ERC2: variants seen among roughly 807,000 people sequenced by gnomAD.
The protein encoded by ERC2 is ERC protein 2.
ERC2 carries 42 observed loss-of-function variants against 114.8 expected under a neutral mutation model. That is an observed-to-expected ratio of 0.37 (90% confidence interval 0.29 to 0.47). ERC2 has a LOEUF of 0.47. Ranked by LOEUF, ERC2 falls within the 20% of genes least tolerant of loss-of-function variation. ERC2 has a pLI of 0.99. For synonymous variants in ERC2, 454 were observed against 425.5 expected (o/e 1.07, Z -0.82); for missense variants, 939 against 1,150.7 (o/e 0.82, Z 2.66).
At chr3:55,698,505 C>G (rs2063052564) in intron 16 of ERC2, among the ~76,000 whole-genome samples, 5 of 152,130 alleles carry the variant, frequency 3.3e-5, no homozygotes, top group Admixed American at 3.3e-4. Context: ...ACAGGTAATT[C>G]TGACAACCCC....
At chr3:55,517,446 C>CAAAAA (rs11309251) in intron 17 of ERC2, among the ~76,000 whole-genome samples, 165 of 90,090 alleles carry the variant, frequency 1.8e-3, no homozygotes, top group Non-Finnish European at 2.2e-3. Flanking sequence ...GACTCCGTCT[C>CAAAAA]AAAAAAAAAA....
intron 2 of ERC2, among the ~76,000 whole-genome samples, chr3:56,416,238 T>C (rs1347163384): frequency 6.6e-6 from 1 of 152,136 alleles, no homozygotes; most frequent in Non-Finnish European, 1.5e-5. Flanking sequence ...TAATGTCTCT[T>C]TATCTGGACC....
chr3:56,344,132 A>T (rs1253762826), intron 2 of ERC2, among the ~76,000 whole-genome samples: 1 of 152,258 alleles, frequency 6.6e-6, no homozygotes, highest in East Asian at 1.9e-4. Context: ...CATTTGTAAA[A>T]TAAATAGGAT....
chr3:56,139,822 C>T (rs2080745522), intron 5 of ERC2, 146 bp from the exon 6 acceptor site: 2 of 862,192 alleles, frequency 2.3e-6, no homozygotes, highest in African/African-American at 1.7e-5. Flanking sequence ...AAAAGATGGC[C>T]TTGGGAATCA....
Position 55,734,786 on chromosome 3 carries a change from A to T in ERC2, c.2697T>A (p.His899Gln). 1 of 1,611,402 alleles carries T rather than the reference A, an allele frequency of 6.2e-7. No individual in the cohort carries two copies. ...GAGGCCCCACCTGCTGCTTTAATTG[A>T]TGTACTAGTCGGTCTTTTTCCCGCT... is the stretch of plus-strand genomic sequence containing the variant. ...ALKREKDRLV[H>Q]QLKQQTQNRM... The change falls in exon 15 of 18, where the codon CAT (histidine) becomes CAA (glutamine). Residue 899 changes from histidine (H) to glutamine (Q), a missense_variant. Physicochemically the swap from His to Gln is conservative, Grantham distance 24. Coordinates refer to ENST00000288221, the MANE Select transcript of ERC2 (RefSeq NM_015576.3).
intron 14 of ERC2, among the ~76,000 whole-genome samples, chr3:55,754,631 G>A (rs994968094): frequency 1.4e-5 from 2 of 146,936 alleles, no homozygotes; most frequent in Non-Finnish European, 3.0e-5. Context: ...AATCTCACAA[G>A]AGTAATAGAA....
intron 3 of ERC2, among the ~76,000 whole-genome samples, chr3:56,278,013 T>C (rs2054115475): frequency 6.6e-6 from 1 of 152,186 alleles, no homozygotes; most frequent in Non-Finnish European, 1.5e-5. Flanking sequence ...ACTCCATTGC[T>C]TCATTTGTAA....
At chr3:56,029,497 A>T (rs189255399) in intron 7 of ERC2, among the ~76,000 whole-genome samples, 132 of 152,150 alleles carry the variant, frequency 8.7e-4, no homozygotes, top group African/African-American at 3.1e-3. Context: ...TACACCTTCA[A>T]TGTATTTCAT....
chr3:56,258,304 C>CTA (rs781098805), intron 3 of ERC2, among the ~76,000 whole-genome samples: 4 of 152,194 alleles, frequency 2.6e-5, no homozygotes, highest in Non-Finnish European at 1.5e-5. Flanking sequence ...AGCTCTCTTG[C>CTA]TATAGCCTGA....
At chr3:56,191,809 T>C (rs567868752) in intron 3 of ERC2, among the ~76,000 whole-genome samples, 1 of 152,190 alleles carries the variant, frequency 6.6e-6, no homozygotes, top group African/African-American at 2.4e-5. Context: ...TTCTATTACA[T>C]TCCCTTCAGT....
chr3:55,943,790 G>A (rs2066959198), intron 13 of ERC2, among the ~76,000 whole-genome samples: 1 of 152,110 alleles, frequency 6.6e-6, no homozygotes, highest in Non-Finnish European at 1.5e-5. Context: ...ATACAAAAAT[G>A]GGGTCTCCAG....
At chr3:56,248,450 G>T (rs2051876563) in intron 3 of ERC2, among the ~76,000 whole-genome samples, 1 of 152,072 alleles carries the variant, frequency 6.6e-6, no homozygotes, top group African/African-American at 2.4e-5. Context: ...GTATTGATAT[G>T]CTGCACGGTC....
chr3:55,684,794 G>T (rs575414372), intron 16 of ERC2, among the ~76,000 whole-genome samples: 2 of 152,144 alleles, frequency 1.3e-5, no homozygotes, highest in Non-Finnish European at 2.9e-5. Context: ...ACAGTTTACT[G>T]CAAGGATTGA....
At chr3:56,458,583 G>A (rs570876524) in intron 1 of ERC2, among the ~76,000 whole-genome samples, 156 of 152,204 alleles carry the variant, frequency 1.0e-3, no homozygotes, top group African/African-American at 3.5e-3. Flanking sequence ...CAGCCACTAA[G>A]ACCCAGGTGC....
At chr3:55,573,168 T>C (rs569616298) in intron 17 of ERC2, among the ~76,000 whole-genome samples, 2 of 152,352 alleles carry the variant, frequency 1.3e-5, no homozygotes, top group East Asian at 1.9e-4. Flanking sequence ...CACAGAAAGA[T>C]GTCGGTAAGA....
chr3:56,194,881 G>A (rs575128113), intron 3 of ERC2, among the ~76,000 whole-genome samples: 1 of 151,898 alleles, frequency 6.6e-6, no homozygotes, highest in East Asian at 1.9e-4. Flanking sequence ...GTGTGGCACA[G>A]ACATGTTTCT....
chr3:55,972,342 G>A (rs1385588771), intron 12 of ERC2, among the ~76,000 whole-genome samples: 1 of 152,144 alleles, frequency 6.6e-6, no homozygotes, highest in Non-Finnish European at 1.5e-5. Flanking sequence ...CATGTGCCAT[G>A]GTGGTTTGCT....
chr3:56,331,982 A>T (rs6445780), intron 2 of ERC2, among the ~76,000 whole-genome samples: 33,320 of 152,140 alleles, frequency 0.22, 4,302 homozygotes, highest in Non-Finnish European at 0.28. Context: ...CCTGCTGAAG[A>T]TTCACTGGTG....
At chr3:55,939,422 T>C (rs1162104267) in intron 13 of ERC2, among the ~76,000 whole-genome samples, 2 of 152,262 alleles carry the variant, frequency 1.3e-5, no homozygotes, top group East Asian at 1.9e-4. Flanking sequence ...TCAAGTGATT[T>C]AGAGAAATTC....
Sources: gnomAD v4.1 joint callset for allele counts (sites outside exome capture counted in the v4.1 genomes callset) on GRCh38, gnomAD v4.1.1 for gene constraint, MANE v1.5 for transcripts, NCBI Gene and HGNC (gene_info 2026-07-23, HGNC 2026-07-21) for gene names.